Variants in FAM184A observed in about 807,000 individuals in gnomAD.
FAM184A encodes protein FAM184A.
A neutral mutation model predicts 143.8 loss-of-function variants in FAM184A; 99 were observed. The observed-to-expected ratio is 0.69, with a 90% CI of 0.58 to 0.81. The LOEUF (loss-of-function observed/expected upper bound fraction) is 0.81, where lower values mean the gene tolerates loss of function less well. Among genes scored for constraint, FAM184A ranks in the 40% least tolerant of loss-of-function variants. FAM184A has a pLI of 0.00. For missense variants in FAM184A, 1,217 were observed against 1,310.5 expected (o/e 0.93, Z 1.10); for synonymous variants, 427 against 446.4 (o/e 0.96, Z 0.55).
At chr6:119,003,092 C>T in intron 8 of FAM184A, 43 bp from the exon 9 acceptor site, 2 of 1,523,112 alleles carry the variant, frequency 1.3e-6, no homozygotes. Flanking sequence ...GAGAATTATT[C>T]CTTTCACTGA....
intron 9 of FAM184A, among the ~76,000 whole-genome samples, chr6:118,999,167 G>T (rs1784669826): frequency 6.6e-6 from 1 of 152,194 alleles, no homozygotes; most frequent in Non-Finnish European, 1.5e-5. Context: ...ACGGACGCTA[G>T]TTCTAGAAAG....
At chr6:119,123,736 T>G (rs1477496641) in intron 1 of FAM184A, among the ~76,000 whole-genome samples, 1 of 152,208 alleles carries the variant, frequency 6.6e-6, no homozygotes, top group African/African-American at 2.4e-5. Context: ...TACCATTGTT[T>G]ATGTTGACAA....
intron 3 of FAM184A, 90 bp from the exon 4 acceptor site, chr6:119,020,249 T>C (rs1458653588): frequency 9.9e-7 from 1 of 1,009,224 alleles, no homozygotes; most frequent in East Asian, 2.9e-5. Flanking sequence ...CTGTACTTTA[T>C]ACTTAAGTAA....
chr6:119,027,335 A>G (rs1281291948), intron 1 of FAM184A, among the ~76,000 whole-genome samples: 1 of 152,212 alleles, frequency 6.6e-6, no homozygotes, highest in Non-Finnish European at 1.5e-5. Context: ...ATGGTCTTTA[A>G]GTTTGGCAAA....
intron 1 of FAM184A, among the ~76,000 whole-genome samples, chr6:119,066,762 T>C (rs1787466806): frequency 6.6e-6 from 1 of 152,202 alleles, no homozygotes. Flanking sequence ...TTTCTGATAA[T>C]TACTAGGGGG....
intron 1 of FAM184A, among the ~76,000 whole-genome samples, chr6:119,106,895 GGAA>G (rs1215334748): frequency 1.7e-4 from 26 of 152,170 alleles, no homozygotes; most frequent in Admixed American, 1.7e-3. Context: ...GAAAGGTTCT[GGAA>G]GAAGACAGAG....
intron 1 of FAM184A, among the ~76,000 whole-genome samples, chr6:119,057,353 CT>C (rs1192995999): frequency 6.6e-6 from 1 of 152,184 alleles, no homozygotes; most frequent in Non-Finnish European, 1.5e-5. Flanking sequence ...AAAAGTCTTT[CT>C]TACTACCATA....
At chr6:119,085,846 G>A (rs748767595) in intron 1 of FAM184A, among the ~76,000 whole-genome samples, 6 of 152,182 alleles carry the variant, frequency 3.9e-5, no homozygotes, top group Non-Finnish European at 5.9e-5. Flanking sequence ...AAGCAAACAC[G>A]TCTTACATGG....
At chr6:119,057,648 C>G (rs1159421787) in intron 1 of FAM184A, among the ~76,000 whole-genome samples, 1 of 152,102 alleles carries the variant, frequency 6.6e-6, no homozygotes, top group Non-Finnish European at 1.5e-5. Context: ...GGAGCTGAAG[C>G]AGGAGGATCA....
chr6:119,017,016 C>G lies in FAM184A; in HGVS notation c.1333-72G>C, dbSNP rs150711764. ...ACTGTTATTAGGGTAATTTGAATAC[C>G]CTATAAATATGGAAGCTTGAATAAA... On this transcript the variant is annotated intron_variant, in intron 4 of 17. Transcript: ENST00000338891. 2.3e-5 allele frequency: 23 copies of G among 992,154 alleles called. No homozygotes were observed. The African/African-American group carries it at 3.4e-4, about 15-fold the overall frequency. 61.5% of individuals were successfully genotyped at this position (992,154 alleles called of 1,614,324 possible).
Position 119,024,299 on chromosome 6 carries a change from A to G in FAM184A, c.674T>C (p.Met225Thr), listed in dbSNP as rs377741325. ...CATTTTGTTTAGGGACTCCACCTCC[A>G]TTCTGTGTAGTTCCTCTGCCTTTTC... ...GQEKAEELHR[M>T]EVESLNKMLE... Residue 225 changes from methionine (M) to threonine (T), a missense_variant, in exon 2 of 18, where the codon ATG becomes ACG. By Grantham distance (81) the Met-to-Thr change is moderately conservative. Transcript: ENST00000338891. The G allele has an allele frequency of 2.7e-5, 43 of 1,613,996 alleles. No homozygotes were observed. In the African/African-American group the frequency reaches 5.2e-4, roughly 20 times the overall value.
Position 119,051,996 on chromosome 6 carries a change from G to A in FAM184A, c.159+26145C>T, listed in dbSNP as rs542003163. Reference sequence around the variant, plus strand: ...TTCCCAGACAGCAGTATCTATGTATGAGACTCAGGTCCTGAGCTGGGGTGC... The same window carrying A: ...TTCCCAGACAGCAGTATCTATGTATAAGACTCAGGTCCTGAGCTGGGGTGC... On this transcript the variant is annotated intron_variant, in intron 1 of 17. Coordinates refer to ENST00000338891, the MANE Select transcript of FAM184A (RefSeq NM_024581.6). Among the ~76,000 whole-genome samples, 145 of 152,284 alleles carry A rather than the reference G, an allele frequency of 9.5e-4. 1 individual carries two copies. The highest frequency in any genetic ancestry group is 3.4e-3 in the African/African-American group (140 of 41,560).
chr6:119,132,742 A>C (rs1789567505), intron 1 of FAM184A, among the ~76,000 whole-genome samples: 1 of 152,236 alleles, frequency 6.6e-6, no homozygotes. Flanking sequence ...CAGTGACCCA[A>C]GTCATTGCTG....
chr6:118,960,283 G>A (rs1178455421), intron 17 of FAM184A, 99 bp from the exon 18 acceptor site: 3 of 894,890 alleles, frequency 3.4e-6, no homozygotes, highest in Non-Finnish European at 5.2e-6. Flanking sequence ...ACCACAACGG[G>A]TTCCCCATGT....
rs779157141 is a variant in FAM184A, at chr6:118,961,940, T to C, written c.3162A>G (p.Ser1054=). 3.7e-6 allele frequency: 6 copies of C among 1,613,788 alleles called. No individual in the cohort carries two copies. In the East Asian group the frequency reaches 1.3e-4, roughly 36 times the overall value. The stretch of plus-strand genomic sequence containing the variant: ...GAACACTCACAAACCTGTTTGTTGG[T>C]GATTTATCATTCTTCTTCTTTTGCT... ...LAKQKKKNDK[S]PTNRFVSVPN... The change falls in exon 17 of 18, where the codon TCA becomes TCG. Residue 1054 remains serine, a synonymous_variant. Transcript: ENST00000338891.
intron 1 of FAM184A, among the ~76,000 whole-genome samples, chr6:119,137,812 G>T (rs1333800837): frequency 6.6e-6 from 1 of 152,264 alleles, no homozygotes; most frequent in South Asian, 2.1e-4. Flanking sequence ...CGATGTCTAC[G>T]TGCCAGGCTG....
intron 1 of FAM184A, among the ~76,000 whole-genome samples, chr6:119,063,784 T>G (rs1294143490): frequency 6.6e-6 from 1 of 152,220 alleles, no homozygotes; most frequent in South Asian, 2.1e-4. Flanking sequence ...ATTTTATAAC[T>G]GTTCCTATAA....
chr6:119,129,157 T>C (rs1789460584), intron 1 of FAM184A, among the ~76,000 whole-genome samples: 1 of 152,214 alleles, frequency 6.6e-6, no homozygotes, highest in African/African-American at 2.4e-5. Context: ...CGAACCAATG[T>C]GTACCTTACA....
At chr6:119,136,765 G>C (rs1789682338) in intron 1 of FAM184A, among the ~76,000 whole-genome samples, 1 of 152,178 alleles carries the variant, frequency 6.6e-6, no homozygotes, top group Non-Finnish European at 1.5e-5. Context: ...TCAAATTCCT[G>C]CTACTGTCTG....
Sources: gnomAD v4.1 joint callset for allele counts (sites outside exome capture counted in the v4.1 genomes callset) on GRCh38, gnomAD v4.1.1 for gene constraint, MANE v1.5 for transcripts, NCBI Gene and HGNC (gene_info 2026-07-23, HGNC 2026-07-21) for gene names.